ZNF487: variants seen among roughly 807,000 people sequenced by gnomAD.
ZNF487 encodes the protein KRAB domain only 1.
Under a neutral mutation model 3.0 loss-of-function variants are expected in ZNF487, and 4 were observed. The observed-to-expected ratio is 1.35, with a 90% CI of 0.66 to 3.08. The LOEUF is 3.08. Among genes scored for constraint, ZNF487 ranks in the 30% most tolerant of loss-of-function variants. The pLI is 0.01. For synonymous variants in ZNF487, 55 were observed against 34.6 expected, an observed-to-expected ratio of 1.59 and a Z score of -2.06; for missense variants, 146 against 98.7, an observed-to-expected ratio of 1.48 and a Z score of -2.03.
chr10:43,479,962 CTTTCTTTCTTTTCTTTCTTTCCT>C (rs1564428612), intron 3 of ZNF487, among the ~76,000 whole-genome samples: 12 of 43,634 alleles, frequency 2.8e-4, no homozygotes, highest in Admixed American at 1.1e-3. Flanking sequence ...GACTCTCTTT[CTTTCTTTCTTTTCTTTCTTTCCT>C]TCTTTCTTTC....
chr10:43,459,946 C>T (rs776370451), intron 1 of ZNF487, among the ~76,000 whole-genome samples: 3 of 151,652 alleles, frequency 2.0e-5, no homozygotes, highest in Admixed American at 6.6e-5. Context: ...GGACTACAGG[C>T]GCCTGCCACC....
the ZNF487 span, among the ~76,000 whole-genome samples, chr10:43,492,686 C>A: frequency 6.6e-6 from 1 of 152,110 alleles, no homozygotes; most frequent in Non-Finnish European, 1.5e-5. Context: ...ATTTCCTGAC[C>A]TCGTGATCCG....
chr10:43,502,230 T>C, the ZNF487 span, among the ~76,000 whole-genome samples: 3 of 152,208 alleles, frequency 2.0e-5, no homozygotes, highest in Non-Finnish European at 4.4e-5. Flanking sequence ...ATGTCTTTTG[T>C]AGGGACATGG....
intron 1 of ZNF487, among the ~76,000 whole-genome samples, chr10:43,474,715 C>G (rs1053554173): frequency 6.6e-6 from 1 of 151,724 alleles, no homozygotes; most frequent in Non-Finnish European, 1.5e-5. Flanking sequence ...CCCCAGTAGC[C>G]GGAATTACAG....
chr10:43,455,387 C>G (rs1840147572), intron 1 of ZNF487, among the ~76,000 whole-genome samples: 1 of 152,240 alleles, frequency 6.6e-6, no homozygotes, highest in Non-Finnish European at 1.5e-5. Context: ...AGCACCATCC[C>G]ATTGGCATCG....
At chr10:43,509,822 G>A in the ZNF487 span, among the ~76,000 whole-genome samples, 242 of 152,008 alleles carry the variant, frequency 1.6e-3, 1 homozygote, top group African/African-American at 5.7e-3. Context: ...ACACGCCCGG[G>A]ATCCATACTT....
the ZNF487 span, among the ~76,000 whole-genome samples, chr10:43,523,063 C>T: frequency 6.6e-6 from 1 of 152,158 alleles, no homozygotes; most frequent in African/African-American, 2.4e-5. Flanking sequence ...TTTGCAGATT[C>T]CTCTCCTTTT....
the ZNF487 span, among the ~76,000 whole-genome samples, chr10:43,504,273 C>T: frequency 2.7e-5 from 4 of 145,720 alleles, no homozygotes; most frequent in African/African-American, 7.5e-5. Context: ...GTGTTAGATA[C>T]ATGTTTTCTT....
At chr10:43,477,339 T>A (rs1841137513) in intron 3 of ZNF487, among the ~76,000 whole-genome samples, 1 of 151,690 alleles carries the variant, frequency 6.6e-6, no homozygotes, top group African/African-American at 2.4e-5. Context: ...GGACCATAGG[T>A]GTGTATCACC....
chr10:43,468,105 A>G (rs1404826738), intron 1 of ZNF487, among the ~76,000 whole-genome samples: 2 of 152,190 alleles, frequency 1.3e-5, no homozygotes, highest in African/African-American at 4.8e-5. Flanking sequence ...TTAGAAGTGG[A>G]GCCTGCAGAT....
At chr10:43,470,565 T>C (rs1840870217) in intron 1 of ZNF487, among the ~76,000 whole-genome samples, 1 of 152,064 alleles carries the variant, frequency 6.6e-6, no homozygotes, top group Non-Finnish European at 1.5e-5. Context: ...TTTGTATTTT[T>C]AGTAGAGATG....
intron 1 of ZNF487, among the ~76,000 whole-genome samples, chr10:43,446,349 C>T (rs902855314): frequency 7.9e-5 from 12 of 151,878 alleles, no homozygotes; most frequent in African/African-American, 2.9e-4. Context: ...AGACTCTCCT[C>T]ACTTCCCAGA....
At chr10:43,468,052 A>T (rs999234395) in intron 1 of ZNF487, among the ~76,000 whole-genome samples, 3 of 152,194 alleles carry the variant, frequency 2.0e-5, no homozygotes, top group African/African-American at 7.2e-5. Context: ...TCAAGTCTTC[A>T]GTGGAGGAAG....
intron 1 of ZNF487, among the ~76,000 whole-genome samples, chr10:43,443,857 T>C (rs1291409854): frequency 6.7e-6 from 1 of 150,274 alleles, no homozygotes; most frequent in African/African-American, 2.4e-5. Context: ...GCTTGAATTT[T>C]TTTTTTTTTT....
chr10:43,523,261 G>C, the ZNF487 span: 1 of 152,416 alleles, frequency 6.6e-6, no homozygotes, highest in African/African-American at 2.4e-5. Context: ...AAGTTGACCT[G>C]ATGGAGAAGA....
At chr10:43,498,465 G>C in the ZNF487 span, among the ~76,000 whole-genome samples, 5 of 150,246 alleles carry the variant, frequency 3.3e-5, no homozygotes, top group Non-Finnish European at 7.4e-5. Context: ...TTTTAGTAGA[G>C]ACGGGGTTTC....
intron 1 of ZNF487, among the ~76,000 whole-genome samples, chr10:43,470,683 G>A (rs573693904): frequency 5.0e-4 from 76 of 150,782 alleles, no homozygotes; most frequent in African/African-American, 1.8e-3. Flanking sequence ...GCACACCCGG[G>A]CAATTTTTCT....
At chr10:43,462,457 AT>A (rs36007890) in intron 1 of ZNF487, among the ~76,000 whole-genome samples, 6,153 of 129,012 alleles carry the variant, frequency 0.048, 139 homozygotes, top group South Asian at 0.12. Context: ...TGTAGACAAC[AT>A]TTTTTTTTTT....
the ZNF487 span, among the ~76,000 whole-genome samples, chr10:43,509,458 C>CATATATATATATATAT: frequency 7.3e-3 from 989 of 135,122 alleles, 10 homozygotes; most frequent in African/African-American, 0.019. Context: ...ACTAATGGAA[C>CATATATATATATATAT]ATATATATAT....
Sources: allele counts gnomAD v4.1 joint callset (sites outside exome capture counted in the v4.1 genomes callset), GRCh38; gene constraint gnomAD v4.1.1; transcripts MANE v1.5; gene names NCBI Gene and HGNC (gene_info 2026-07-23, HGNC 2026-07-21).